LRWD1: variants seen among roughly 807,000 people sequenced by gnomAD.
LRWD1 encodes leucine rich repeats and WD repeat domain containing 1, also known as leucine-rich repeat and WD repeat-containing protein 1.
Under a neutral mutation model 75.6 loss-of-function variants are expected in LRWD1, and 76 were observed. The observed-to-expected ratio is 1.01, with a 90% CI of 0.84 to 1.22. The LOEUF is 1.22. Among genes scored for constraint, LRWD1 ranks in the 50% most tolerant of loss-of-function variants. LRWD1 has a pLI of 0.00. For missense variants in LRWD1, 917 were observed against 862.0 expected, an observed-to-expected ratio of 1.06 and a Z score of -0.80; for synonymous variants, 487 against 377.0, an observed-to-expected ratio of 1.29 and a Z score of -3.38.
At chr7:102,465,325 C>T (rs917203594) in intron 1 of LRWD1, 165 bp downstream of exon 1, 1 of 718,630 alleles carries the variant, frequency 1.4e-6, no homozygotes, top group Non-Finnish European at 2.1e-6. Context: ...ACCCGCTCGC[C>T]GGGAGCCCCG....
chr7:102,466,070 C>A lies in LRWD1; in HGVS notation c.315+19C>A. On this transcript the variant is annotated intron_variant, in intron 2 of 14. Transcript: ENST00000292616. ...CCTGACGGTAAGTGGGAGCCTCCCA[C>A]CAGCTTCATACCTGGGGCCAGGACT... 2 of 1,613,810 alleles carry A rather than the reference C, an allele frequency of 1.2e-6. No homozygotes were observed. Among genetic ancestry groups the A allele is most frequent in the Non-Finnish European group, 1.7e-6 (2 of 1,179,704 alleles).
At position 102,472,201 on chromosome 7, in the gene LRWD1, C is replaced by A. The variant is rs763864265; in HGVS notation, c.1443-17C>A. 1.8e-5 allele frequency: 29 copies of A among 1,575,768 alleles called. No homozygotes were observed. The highest frequency in any genetic ancestry group is 2.5e-5 in the Non-Finnish European group (29 of 1,158,574). On this transcript the variant is annotated splice_polypyrimidine_tract_variant and intron_variant, in intron 11 of 14. Coordinates refer to ENST00000292616, the MANE Select transcript of LRWD1 (RefSeq NM_152892.3). ...TCTGCAAGGAATGGCCAACTAGCAT[C>A]TCGTGCTGCCCCACAGGGTGTGTGA... is the stretch of plus-strand genomic sequence containing the variant.
In LRWD1 at chr7:102,466,193, C is replaced by A. The variant is rs1470137649; in HGVS notation, c.355C>A (p.Leu119Ile). ...GAAAGTCTCCTTTCTCCTGCCCACG[C>A]TCCGTAAGGTCAATGGCAAGGATGC... ...NLKVSFLLPT[L>I]RKVNGKDASS... is the part of the protein sequence containing the mutation. Residue 119 changes from leucine to isoleucine, a missense_variant, in exon 3 of 15, where the codon CTC becomes ATC. Coordinates refer to ENST00000292616, the MANE Select transcript of LRWD1 (RefSeq NM_152892.3). 1 of 1,614,080 alleles carries A rather than the reference C, an allele frequency of 6.2e-7. No individual in the cohort carries two copies. The highest frequency in any genetic ancestry group is 1.3e-5 in the African/African-American group (1 of 74,938).
intron 13 of LRWD1, 24 bp from the exon 14 acceptor site, chr7:102,472,668 C>CAGA: frequency 3.1e-6 from 5 of 1,612,962 alleles, no homozygotes; most frequent in Non-Finnish European, 4.2e-6. Flanking sequence ...TGCCCCCACT[C>CAGA]AGACTCCACC....
At position 102,467,728 on chromosome 7, in the gene LRWD1, A is replaced by C. The variant is rs763006197; in HGVS notation, c.583A>C (p.Ile195Leu). The change falls in exon 5 of 15, where the codon ATC becomes CTC. Residue 195 changes from isoleucine (I) to leucine (L), a missense_variant. Coordinates refer to ENST00000292616, the MANE Select transcript of LRWD1 (RefSeq NM_152892.3). ...GCCTGGCCCCACCCAGGTGCGGATGATCTCTGAGGAGCTGGTGGCCGCCAG... is the reference window on the plus strand; with the variant it reads ...GCCTGGCCCCACCCAGGTGCGGATGCTCTCTGAGGAGCTGGTGGCCGCCAG... The part of the protein sequence containing the change: ...SEFTQWRVRM[I>L]SEELVAASRT... 4.5e-6 allele frequency: 7 copies of C among 1,551,588 alleles called. No homozygotes were observed. Among genetic ancestry groups the C allele is most frequent in the Non-Finnish European group, 6.1e-6 (7 of 1,147,052 alleles).
At position 102,465,844 on chromosome 7, in the gene LRWD1, G is replaced by A. The variant is rs1174540891; in HGVS notation, c.108G>A (p.Glu36=). ...LDLSGLELLS[E]HLDPKLLCRL... ...TGTCAGGATTGGAGCTGCTTTCCGAGCACCTGGACCCCAAACTCCTGTGCC... is the reference window on the plus strand; with the variant it reads ...TGTCAGGATTGGAGCTGCTTTCCGAACACCTGGACCCCAAACTCCTGTGCC... Residue 36 remains glutamate (E), a synonymous_variant, in exon 2 of 15, where the codon GAG becomes GAA. Transcript: ENST00000292616. 3.7e-6 allele frequency: 6 copies of A among 1,613,152 alleles called. No individual in the cohort carries two copies. Among genetic ancestry groups the A allele is most frequent in the Non-Finnish European group, 4.2e-6 (5 of 1,179,976 alleles).
chr7:102,465,447 T>G, intron 1 of LRWD1: 1 of 357,758 alleles, frequency 2.8e-6, no homozygotes, highest in Non-Finnish European at 4.9e-6. Flanking sequence ...AAGAGCATCC[T>G]AGAGGGGGCT....
At chr7:102,466,759 CCTTTTTTTTTT>C (rs1470593385) in intron 3 of LRWD1, among the ~76,000 whole-genome samples, 3 of 90,276 alleles carry the variant, frequency 3.3e-5, no homozygotes, top group Non-Finnish European at 6.4e-5. Context: ...TTCTTTTTTA[CCTTTTTTTTTT>C]TTTTTTTTTT....
chr7:102,467,838 C>T lies in LRWD1; in HGVS notation c.678+15C>T. The T allele has an allele frequency of 1.9e-6, 3 of 1,548,758 alleles. No homozygotes were observed. The South Asian group carries it at 3.6e-5, about 18-fold the overall frequency. ...ACAAGCCCAGGGTGAGTGCAGCTCC[C>T]AGGGCTCTGAGGCCAGCCCAGTCCC... is the stretch of plus-strand genomic sequence containing the variant. On this transcript the variant is annotated intron_variant, in intron 5 of 14. Transcript: ENST00000292616.
intron 5 of LRWD1, 49 bp downstream of exon 5, chr7:102,467,872 G>A (rs1020949393): frequency 1.3e-6 from 2 of 1,538,536 alleles, no homozygotes; most frequent in African/African-American, 2.8e-5. Flanking sequence ...CCTCCTCCCT[G>A]GAGAAGCTTC....
intron 3 of LRWD1, among the ~76,000 whole-genome samples, 156 bp from the exon 4 acceptor site, chr7:102,467,176 GTGTGTGT>G (rs1798030512): frequency 9.7e-6 from 1 of 102,746 alleles, no homozygotes; most frequent in African/African-American, 3.6e-5. Flanking sequence ...TGTGGGGTGT[GTGTGTGT>G]GTGTGTGTGT....
rs748433864 is a variant in LRWD1, at chr7:102,472,991, T to C, written c.1886T>C (p.Phe629Ser). 6.8e-6 allele frequency: 11 copies of C among 1,613,940 alleles called. No individual in the cohort carries two copies. The highest frequency in any genetic ancestry group is 2.2e-5 in the East Asian group (1 of 44,878). ...MVNTVVANASFTYLTALTDSN... is the reference protein window; with the variant it reads ...MVNTVVANASSTYLTALTDSN... ...AACACAGTGGTGGCCAATGCCTCCT[T>C]CACCTACCTCACCGCCCTGACGGAC... is the stretch of plus-strand genomic sequence containing the variant. Residue 629 changes from phenylalanine (F) to serine (S), a missense_variant, in exon 15 of 15, where the codon TTC becomes TCC. Transcript: ENST00000292616.
At chr7:102,466,296 T>C in intron 3 of LRWD1, 26 bp downstream of exon 3, 1 of 1,573,562 alleles carries the variant, frequency 6.4e-7, no homozygotes, top group Non-Finnish European at 8.7e-7. Context: ...GATTATTGTG[T>C]GCTTAGGAGC....
chr7:102,465,600 T>A (rs1432514393), intron 1 of LRWD1: 8 of 395,626 alleles, frequency 2.0e-5, no homozygotes, highest in Admixed American at 8.8e-5. Flanking sequence ...GGCGGGAGGA[T>A]CCCTCAGCCC....
At position 102,467,493 on chromosome 7, in the gene LRWD1, C is replaced by G. The variant is rs778776721; in HGVS notation, c.573+14C>G. ...ACCCAGTGGCGGGTATGTCCCTGTCCCAATGTGCAGGGAGTCACTGGCTCT... is the reference window on the plus strand; with the variant it reads ...ACCCAGTGGCGGGTATGTCCCTGTCGCAATGTGCAGGGAGTCACTGGCTCT... On this transcript the variant is annotated intron_variant, in intron 4 of 14. Coordinates refer to ENST00000292616, the MANE Select transcript of LRWD1 (RefSeq NM_152892.3). 30 of 1,611,260 alleles carry G rather than the reference C, an allele frequency of 1.9e-5. No homozygotes were observed. The highest frequency in any genetic ancestry group is 2.7e-5 in the African/African-American group (2 of 74,832).
chr7:102,465,894 A>C lies in LRWD1; in HGVS notation c.158A>C (p.Asp53Ala), dbSNP rs990057895. The C allele has an allele frequency of 1.9e-6, 3 of 1,613,350 alleles. No individual in the cohort carries two copies. Among genetic ancestry groups the C allele is most frequent in the Non-Finnish European group, 1.7e-6 (2 of 1,179,980 alleles). The change falls in exon 2 of 15, where the codon GAC becomes GCC. Residue 53 changes from aspartate to alanine, a missense_variant. By Grantham distance (126) the Asp-to-Ala change is moderately radical (BLOSUM62 -2). Coordinates refer to ENST00000292616, the MANE Select transcript of LRWD1 (RefSeq NM_152892.3). ...CGCCTGACGCAGCTGCAGGAGCTTG[A>C]CCTGTCTAACAACCACCTGGAGACG... The part of the protein sequence containing the change: ...LCRLTQLQEL[D>A]LSNNHLETLP...
chr7:102,465,195 G>A (rs1273422972), intron 1 of LRWD1, 35 bp downstream of exon 1: 1 of 1,417,172 alleles, frequency 7.1e-7, no homozygotes, highest in Non-Finnish European at 9.2e-7. Flanking sequence ...CTGTGTCCTC[G>A]GGGCCGGGCG....
Position 102,472,754 on chromosome 7 carries a change from A to G in LRWD1, c.1753A>G (p.Ile585Val), listed in dbSNP as rs774107879. 1.9e-6 allele frequency: 3 copies of G among 1,613,454 alleles called. No homozygotes were observed. The highest frequency in any genetic ancestry group is 2.5e-6 in the Non-Finnish European group (3 of 1,179,962). ...GNVWLYDVSN[I>V]LKQPPLLPAA... ...CGTGTGGCTCTACGACGTCAGCAAC[A>G]TCCTGAAGCAGCCACCCCTGCTGCC... The change falls in exon 14 of 15, where the codon ATC (isoleucine) becomes GTC (valine). Residue 585 changes from isoleucine (I) to valine (V), a missense_variant. Physicochemically the swap from Ile to Val is conservative, Grantham distance 29. Transcript: ENST00000292616.
intron 3 of LRWD1, among the ~76,000 whole-genome samples, chr7:102,466,796 T>A (rs1290692355): frequency 2.4e-5 from 2 of 82,866 alleles, no homozygotes; most frequent in South Asian, 4.5e-4. Flanking sequence ...TTTTTTTTTT[T>A]TAGAGACAGG....
Sources: allele counts gnomAD v4.1 joint callset (sites outside exome capture counted in the v4.1 genomes callset), GRCh38; gene constraint gnomAD v4.1.1; transcripts MANE v1.5; gene names NCBI Gene and HGNC (gene_info 2026-07-23, HGNC 2026-07-21).